The following FBXO38 variants were observed in gnomAD, a reference collection of about 807,000 sequenced individuals.
FBXO38 encodes the protein F-box protein 38.
FBXO38 carries 53 observed loss-of-function variants against 131.9 expected under a neutral mutation model. That is an observed-to-expected ratio of 0.40 (90% CI 0.32 to 0.51). The LOEUF (loss-of-function observed/expected upper bound fraction) is 0.51. Among genes scored for constraint, FBXO38 ranks in the 20% least tolerant of loss-of-function variants. FBXO38 has a pLI of 0.53. For missense variants in FBXO38, 1,076 were observed against 1,475.6 expected (o/e 0.73, Z 4.44); for synonymous variants, 452 against 505.6 (o/e 0.89, Z 1.42).
Position 148,400,857 on chromosome 5 carries a change from G to A in FBXO38, c.263-1125G>A, listed in dbSNP as rs1752108222. 2.6e-5 allele frequency among the ~76,000 whole-genome samples: 4 copies of A among 151,812 alleles called. No individual in the cohort carries two copies. In the South Asian group the frequency reaches 8.3e-4, roughly 32 times the overall value. On this transcript the variant is annotated intron_variant, in intron 3 of 21. Coordinates refer to ENST00000340253, the MANE Select transcript of FBXO38 (RefSeq NM_205836.3). ...CTTCATTTTTTATGCTTGTATATGG[G>A]GTGATAACCTTTCTGATTTGGTTGT...
chr5:148,397,851 A>G (rs1758560478), intron 2 of FBXO38, among the ~76,000 whole-genome samples: 1 of 152,180 alleles, frequency 6.6e-6, no homozygotes, highest in South Asian at 2.1e-4. Context: ...AATAGTGTAT[A>G]CTATGTCAGT....
In FBXO38 at chr5:148,427,205, A is replaced by G. The variant is rs1753761011; in HGVS notation, c.1919-8A>G. On this transcript the variant is annotated splice_region_variant and splice_polypyrimidine_tract_variant and intron_variant, in intron 14 of 21. Transcript: ENST00000340253. ...TTCCTCGGGCCGTTCTTCTTTTTCTATAAGCAGTAAGTGGAAAAGGCAAGA... is the reference window on the plus strand; with the variant it reads ...TTCCTCGGGCCGTTCTTCTTTTTCTGTAAGCAGTAAGTGGAAAAGGCAAGA... The G allele has an allele frequency of 3.2e-6, 5 of 1,565,560 alleles. No individual in the cohort carries two copies. The highest frequency in any genetic ancestry group is 2.8e-5 in the African/African-American group (2 of 72,552).
At chr5:148,428,643 T>C (rs1753862659) in intron 15 of FBXO38, among the ~76,000 whole-genome samples, 1 of 152,240 alleles carries the variant, frequency 6.6e-6, no homozygotes, top group Non-Finnish European at 1.5e-5. Flanking sequence ...CATTACTGCC[T>C]GACAGTGATA....
intron 12 of FBXO38, 40 bp from the exon 13 acceptor site, chr5:148,423,958 A>G (rs200493006): frequency 6.3e-7 from 1 of 1,587,636 alleles, no homozygotes; most frequent in Admixed American, 1.7e-5. Context: ...AGTTCTTTAT[A>G]CTTCTTTTGG....
intron 17 of FBXO38, among the ~76,000 whole-genome samples, chr5:148,437,779 T>C (rs2113661487): frequency 6.6e-6 from 1 of 152,344 alleles, no homozygotes; most frequent in South Asian, 2.1e-4. Flanking sequence ...GATGAGCATT[T>C]CAATAGAACT....
In FBXO38 at chr5:148,416,070, G is replaced by A; in HGVS notation, c.1407G>A (p.Lys469=). The change falls in exon 11 of 22, where the codon AAG becomes AAA. Residue 469 remains lysine, a splice_region_variant and synonymous_variant. Coordinates refer to ENST00000340253, the MANE Select transcript of FBXO38 (RefSeq NM_205836.3). ...SLDQMFREPP[K]GCARVGLSAG... is the part of the protein sequence containing the mutation. ...ATCAGATGTTTCGTGAACCACCCAA[G>A]GTAAGATACATTTGAGGGAGTTTTT... 6.5e-7 allele frequency: 1 copy of A among 1,544,324 alleles called. No individual in the cohort carries two copies. Among genetic ancestry groups the A allele is most frequent in the Admixed American group, 2.0e-5 (1 of 49,442 alleles).
At position 148,399,043 on chromosome 5, in the gene FBXO38, G is replaced by T. The variant is rs760456022; in HGVS notation, c.173G>T (p.Arg58Leu). Residue 58 changes from arginine (R) to leucine (L), a missense_variant, in exon 3 of 22, where the codon CGG becomes CTG. This residue lies in a region of FBXO38 where 96 missense variants were observed against 193.9 expected (regional missense o/e 0.50). Transcript: ENST00000340253. ...ATCATGTGTATGGAATGTCTTTCCC[G>T]GAAGCTAAAGGAAGCAGTGACCCTA... Reference protein sequence around the residue: ...QDIMCMECLSRKLKEAVTLYL... With the variant: ...QDIMCMECLSLKLKEAVTLYL... The T allele has an allele frequency of 6.2e-7, 1 of 1,613,348 alleles. No homozygotes were observed. The highest frequency in any genetic ancestry group is 1.1e-5 in the South Asian group (1 of 91,070).
At position 148,440,140 on chromosome 5, in the gene FBXO38, G is replaced by T. The variant is rs10056586; in HGVS notation, c.3171-284G>T. On this transcript the variant is annotated intron_variant, in intron 19 of 21. Coordinates refer to ENST00000340253, the MANE Select transcript of FBXO38 (RefSeq NM_205836.3). ...CAGAAAATTTGACTTTTATAAATTT[G>T]TTATATAAATGTTGCATTAAGCACC... is the stretch of plus-strand genomic sequence containing the variant. 0.27 allele frequency among the ~76,000 whole-genome samples: 41,027 copies of T among 152,034 alleles called. 5,589 individuals are homozygous for T. The highest frequency in any genetic ancestry group is 0.3 in the African/African-American group (12,285 of 41,464).
chr5:148,404,108 C>T (rs1752311419), intron 5 of FBXO38, among the ~76,000 whole-genome samples: 2 of 152,168 alleles, frequency 1.3e-5, no homozygotes, highest in South Asian at 4.1e-4. Context: ...TTTCTCAGAG[C>T]CATGCTGGCT....
intron 14 of FBXO38, among the ~76,000 whole-genome samples, chr5:148,426,887 C>T (rs749685822): frequency 3.3e-5 from 5 of 152,054 alleles, no homozygotes; most frequent in Non-Finnish European, 1.5e-5. Flanking sequence ...GAGAACAAAG[C>T]CCCTGAGGTA....
At chr5:148,404,089 G>GTTTTGTTT (rs1752310310) in intron 5 of FBXO38, among the ~76,000 whole-genome samples, 1 of 152,140 alleles carries the variant, frequency 6.6e-6, no homozygotes, top group African/African-American at 2.4e-5. Context: ...TGACTGGCAG[G>GTTTTGTTT]TTTCTGCTTT....
Position 148,406,395 on chromosome 5 carries a change from G to T in FBXO38, c.868+1G>T. 1 of 1,542,196 alleles carries T rather than the reference G, an allele frequency of 6.5e-7. No individual in the cohort carries two copies. The highest frequency in any genetic ancestry group is 1.3e-5 in the South Asian group (1 of 78,198). ...GTTGTTGAAGACAGTTGGAGATCAG[G>T]TATTCATTTTCTTTAATTACTAAAT... On this transcript the variant is annotated splice_donor_variant, in intron 7 of 21. Coordinates refer to ENST00000340253, the MANE Select transcript of FBXO38 (RefSeq NM_205836.3). LOFTEE classifies it high-confidence loss of function.
At chr5:148,394,991 T>TACC in intron 2 of FBXO38, 87 bp downstream of exon 2, 2 of 1,238,704 alleles carry the variant, frequency 1.6e-6, no homozygotes, top group Non-Finnish European at 2.2e-6. Flanking sequence ...AGCTACCAGC[T>TACC]ACATGCAGCA....
chr5:148,408,926 A>G (rs919048689), intron 7 of FBXO38, among the ~76,000 whole-genome samples, 198 bp from the exon 8 acceptor site: 3 of 152,180 alleles, frequency 2.0e-5, no homozygotes, highest in South Asian at 2.1e-4. Context: ...TTGCAAAATG[A>G]GGGTCTGCTT....
At chr5:148,435,155 T>C (rs1006077285) in intron 17 of FBXO38, 3 of 152,218 alleles carry the variant, frequency 2.0e-5, no homozygotes, top group Non-Finnish European at 2.9e-5. Context: ...CACCTGAACC[T>C]TTAGTGAGTC....
In FBXO38 at chr5:148,393,188, G is replaced by GGTGTGTGTGTGTGTGTGT. The variant is rs60593654; in HGVS notation, c.-63-1496_-63-1479dup. Among the ~76,000 whole-genome samples the GGTGTGTGTGTGTGTGTGT allele has an allele frequency of 1.7e-3, 215 of 127,074 alleles. 3 individuals carry two copies. Among genetic ancestry groups the GGTGTGTGTGTGTGTGTGT allele is most frequent in the African/African-American group, 2.7e-3 (88 of 32,838 alleles). The allele number at this position is 127,074 out of a possible 152,430, so 83.4% of individuals were successfully genotyped here. On this transcript the variant is annotated intron_variant, in intron 1 of 21. Coordinates refer to ENST00000340253, the MANE Select transcript of FBXO38 (RefSeq NM_205836.3). ...TACTGGTTAGAAACAACAGAAGAGG[G>GGTGTGTGTGTGTGTGTGT]GTGTGTGTGTGTGTGTGTGTGTGTG...
chr5:148,433,215 A>G (rs1754134400), intron 15 of FBXO38: 2 of 474,382 alleles, frequency 4.2e-6, no homozygotes, highest in African/African-American at 2.0e-5. Context: ...AAGGGTTGTT[A>G]TGTTTGATGT....
chr5:148,402,017 A>G lies in FBXO38; in HGVS notation c.298A>G (p.Lys100Glu). ...TGCCAGTTTTCTAACACTATTAAAG[A>G]AGATGCCAGATGTTGAACAGCTATA... The part of the protein sequence containing the change: ...TDASFLTLLK[K>E]MPDVEQLYGL... Residue 100 changes from lysine (K) to glutamate (E), a missense_variant, in exon 4 of 22, where the codon AAG (lysine) becomes GAG (glutamate). This residue lies in a region of FBXO38 where 96 missense variants were observed against 193.9 expected (regional missense o/e 0.50). Coordinates refer to ENST00000340253, the MANE Select transcript of FBXO38 (RefSeq NM_205836.3). The G allele has an allele frequency of 1.9e-6, 3 of 1,613,080 alleles. No individual in the cohort carries two copies. The highest frequency in any genetic ancestry group is 2.5e-6 in the Non-Finnish European group (3 of 1,179,220).
intron 15 of FBXO38, 196 bp from the exon 16 acceptor site, chr5:148,433,228 A>G (rs1422092911): frequency 3.8e-6 from 2 of 520,010 alleles, no homozygotes; most frequent in Non-Finnish European, 7.0e-6. Context: ...TTTGATGTAG[A>G]TATGTTTGAA....
Sources: allele counts gnomAD v4.1 joint callset (sites outside exome capture counted in the v4.1 genomes callset), GRCh38; gene constraint gnomAD v4.1.1; regional missense constraint gnomAD v4.1.1; transcripts MANE v1.5; gene names NCBI Gene and HGNC (gene_info 2026-07-23, HGNC 2026-07-21).